SPIRE1: variants seen among roughly 807,000 people sequenced by gnomAD.
SPIRE1 encodes spire type actin nucleation factor 1, also known as protein spire homolog 1.
In SPIRE1, 40 loss-of-function variants were observed where a neutral mutation model predicts 94.1. That is an observed-to-expected ratio of 0.43 (90% CI 0.33 to 0.55). SPIRE1 has a LOEUF of 0.55. SPIRE1 is among the 20% of genes least tolerant of loss of function. The pLI, the probability that SPIRE1 is intolerant of heterozygous loss-of-function variation, is 0.06. For missense variants in SPIRE1, 838 were observed against 975.2 expected, an observed-to-expected ratio of 0.86 and a Z score of 1.87; for synonymous variants, 376 against 371.7, an observed-to-expected ratio of 1.01 and a Z score of -0.13.
intron 1 of SPIRE1, among the ~76,000 whole-genome samples, chr18:12,646,014 T>C (rs1017265453): frequency 6.6e-6 from 1 of 152,204 alleles, no homozygotes; most frequent in Non-Finnish European, 1.5e-5. Flanking sequence ...TGAGAACTCT[T>C]GGGGCTGCTT....
At chr18:12,589,414 G>T (rs1302415229) in intron 2 of SPIRE1, among the ~76,000 whole-genome samples, 1 of 152,142 alleles carries the variant, frequency 6.6e-6, no homozygotes, top group Non-Finnish European at 1.5e-5. Context: ...AGGTCTGAAG[G>T]CCGCCCACTC....
intron 3 of SPIRE1, among the ~76,000 whole-genome samples, chr18:12,543,174 T>G (rs2035058049): frequency 6.6e-6 from 1 of 152,244 alleles, no homozygotes; most frequent in Non-Finnish European, 1.5e-5. Flanking sequence ...TCTCCTAGTT[T>G]CTACCAGACA....
chr18:12,588,623 A>C (rs983348013), intron 2 of SPIRE1, among the ~76,000 whole-genome samples: 1 of 151,172 alleles, frequency 6.6e-6, no homozygotes, highest in Non-Finnish European at 1.5e-5. Flanking sequence ...AAAAAAAAAA[A>C]AACCTCCGTG....
chr18:12,573,747 T>TC (rs1490469179), intron 2 of SPIRE1, among the ~76,000 whole-genome samples: 2 of 151,992 alleles, frequency 1.3e-5, no homozygotes, highest in Non-Finnish European at 2.9e-5. Context: ...TTTTTCTTTT[T>TC]TTTTTCCTTT....
At chr18:12,655,115 G>A (rs7233694) in intron 1 of SPIRE1, among the ~76,000 whole-genome samples, 42,146 of 151,536 alleles carry the variant, frequency 0.28, 5,983 homozygotes, top group Non-Finnish European at 0.32. Context: ...CACTTTAGCA[G>A]GCCAAGGCAG....
chr18:12,594,731 T>A (rs934768177), intron 2 of SPIRE1, among the ~76,000 whole-genome samples: 2 of 152,186 alleles, frequency 1.3e-5, no homozygotes, highest in Non-Finnish European at 2.9e-5. Flanking sequence ...AGTGCATGGG[T>A]CCACTTATAC....
chr18:12,538,163 T>C (rs2034897576), intron 3 of SPIRE1, among the ~76,000 whole-genome samples: 1 of 152,156 alleles, frequency 6.6e-6, no homozygotes, highest in Non-Finnish European at 1.5e-5. Context: ...CCCAAGTTCT[T>C]TTCCATTCTA....
intron 1 of SPIRE1, among the ~76,000 whole-genome samples, chr18:12,652,390 A>G (rs2038404937): frequency 6.6e-6 from 1 of 152,220 alleles, no homozygotes; most frequent in South Asian, 2.1e-4. Flanking sequence ...TATTACTACA[A>G]CTGCATAAAC....
Position 12,545,336 on chromosome 18 carries a change from G to T in SPIRE1, c.603+1338C>A, listed in dbSNP as rs560293964. Among the ~76,000 whole-genome samples the T allele has an allele frequency of 2.6e-3, 390 of 152,198 alleles. 1 individual carries two copies. Among genetic ancestry groups the T allele is most frequent in the African/African-American group, 9.0e-3 (374 of 41,506 alleles). On this transcript the variant is annotated intron_variant, in intron 3 of 16. Transcript: ENST00000409402. Reference sequence around the variant, plus strand: ...TAAAGAATATATCTGAATTTCATAAGAATAATAACTTGTATAGTTCTTTCC... The same window carrying T: ...TAAAGAATATATCTGAATTTCATAATAATAATAACTTGTATAGTTCTTTCC...
At chr18:12,619,143 G>A (rs1376612769) in intron 2 of SPIRE1, among the ~76,000 whole-genome samples, 1 of 152,092 alleles carries the variant, frequency 6.6e-6, no homozygotes, top group African/African-American at 2.4e-5. Flanking sequence ...TGATCCGCCC[G>A]CCACGGCCTC....
chr18:12,577,203 A>G (rs2144511083), intron 2 of SPIRE1, among the ~76,000 whole-genome samples: 1 of 151,720 alleles, frequency 6.6e-6, no homozygotes, highest in Non-Finnish European at 1.5e-5. Context: ...GCTAGAGTGC[A>G]ATGGTGCAAT....
At chr18:12,483,486 G>T (rs1211723522) in intron 9 of SPIRE1, among the ~76,000 whole-genome samples, 2 of 151,982 alleles carry the variant, frequency 1.3e-5, no homozygotes, top group Non-Finnish European at 2.9e-5. Context: ...CATACCTTAG[G>T]TTTAGAACCT....
chr18:12,634,778 T>C (rs558821468), intron 2 of SPIRE1, among the ~76,000 whole-genome samples: 1 of 152,046 alleles, frequency 6.6e-6, no homozygotes, highest in East Asian at 1.9e-4. Flanking sequence ...CTACTAAAAA[T>C]ACAAAAATTA....
chr18:12,591,857 T>C (rs566511509), intron 2 of SPIRE1, among the ~76,000 whole-genome samples: 8 of 149,368 alleles, frequency 5.4e-5, no homozygotes, highest in Non-Finnish European at 1.0e-4. Flanking sequence ...TAGTTCCAGC[T>C]ACTTGGGAGG....
At chr18:12,626,888 T>TATATATATATATATATATA (rs1567976766) in intron 2 of SPIRE1, among the ~76,000 whole-genome samples, 2 of 45,772 alleles carry the variant, frequency 4.4e-5, no homozygotes, top group African/African-American at 1.1e-4. Flanking sequence ...ATATATATAT[T>TATATATATATATATATATA]TTTTTTTTTT....
chr18:12,607,537 T>C (rs905092222), intron 2 of SPIRE1, among the ~76,000 whole-genome samples: 1 of 151,716 alleles, frequency 6.6e-6, no homozygotes, highest in Admixed American at 6.6e-5. Context: ...CAGTCATTCA[T>C]GACTAATAAG....
At chr18:12,454,029 C>T (rs1313763466) in intron 13 of SPIRE1, among the ~76,000 whole-genome samples, 2 of 152,012 alleles carry the variant, frequency 1.3e-5, no homozygotes, top group South Asian at 2.1e-4. Flanking sequence ...GTGATCTGCC[C>T]GCCTCAGCTT....
chr18:12,542,122 A>G (rs12955161), intron 3 of SPIRE1, among the ~76,000 whole-genome samples: 65,009 of 151,498 alleles, frequency 0.43, 15,151 homozygotes, highest in East Asian at 0.59. Flanking sequence ...GATTACAGGC[A>G]TGCAGCACCA....
chr18:12,578,923 C>T (rs1451611221), intron 2 of SPIRE1, among the ~76,000 whole-genome samples: 1 of 152,090 alleles, frequency 6.6e-6, no homozygotes. Flanking sequence ...GTAAATTGTA[C>T]TTCAACAGAA....
Sources: gnomAD v4.1 joint callset for allele counts (sites outside exome capture counted in the v4.1 genomes callset) on GRCh38, gnomAD v4.1.1 for gene constraint, MANE v1.5 for transcripts, NCBI Gene and HGNC (gene_info 2026-07-23, HGNC 2026-07-21) for gene names.